Variants in KCTD8 observed in about 807,000 individuals in gnomAD.
KCTD8 encodes the protein BTB/POZ domain-containing protein KCTD8.
In KCTD8, 27 loss-of-function variants were observed where a neutral mutation model predicts 31.5. The ratio of observed to expected loss-of-function variants is 0.86; its 90% CI spans 0.63 to 1.18. The LOEUF (loss-of-function observed/expected upper bound fraction) is 1.18, where lower values mean the gene tolerates loss of function less well. KCTD8 is among the 50% of genes most tolerant of loss of function. KCTD8 has a pLI of 0.00. For missense variants in KCTD8, 658 were observed against 647.7 expected (o/e 1.02, Z -0.17); for synonymous variants, 290 against 280.0 (o/e 1.04, Z -0.36).
intron 1 of KCTD8, among the ~76,000 whole-genome samples, chr4:44,200,965 G>A (rs1394622406): frequency 6.6e-6 from 1 of 152,032 alleles, no homozygotes; most frequent in Non-Finnish European, 1.5e-5. Context: ...TAAAGTTTCA[G>A]GATACAAAAT....
intron 1 of KCTD8, among the ~76,000 whole-genome samples, chr4:44,295,066 G>C (rs1717388940): frequency 6.6e-6 from 1 of 152,112 alleles, no homozygotes; most frequent in Non-Finnish European, 1.5e-5. Context: ...CCTGAGGCAG[G>C]GGGATCCCTT....
At chr4:44,430,610 C>A (rs187091997) in intron 1 of KCTD8, among the ~76,000 whole-genome samples, 98 of 151,636 alleles carry the variant, frequency 6.5e-4, no homozygotes, top group Non-Finnish European at 5.9e-4. Context: ...TTTGTCTCCC[C>A]TTGGTGATCC....
intron 1 of KCTD8, among the ~76,000 whole-genome samples, chr4:44,441,289 T>C (rs186231524): frequency 3.2e-4 from 48 of 152,210 alleles, no homozygotes; most frequent in Non-Finnish European, 5.4e-4. Flanking sequence ...GGTATTACTG[T>C]TTTATCAAAC....
At chr4:44,359,160 A>G (rs1719434089) in intron 1 of KCTD8, among the ~76,000 whole-genome samples, 1 of 152,098 alleles carries the variant, frequency 6.6e-6, no homozygotes, top group East Asian at 1.9e-4. Context: ...GAAGCTCTTT[A>G]GTTTAATTAG....
intron 1 of KCTD8, among the ~76,000 whole-genome samples, chr4:44,444,840 A>ACAGTTT (rs375710915): frequency 6.6e-6 from 1 of 152,294 alleles, no homozygotes; most frequent in African/African-American, 2.4e-5. Context: ...GTAAACTACA[A>ACAGTTT]CAGTTTCAAC....
intron 1 of KCTD8, among the ~76,000 whole-genome samples, chr4:44,350,859 T>C (rs1408057466): frequency 6.6e-6 from 1 of 152,140 alleles, no homozygotes; most frequent in Admixed American, 6.6e-5. Flanking sequence ...ACCTACTCTG[T>C]TCTTCATTTC....
chr4:44,175,108 A>T lies in KCTD8; in HGVS notation c.1104T>A (p.Thr368=), dbSNP rs766493694. The change falls in exon 2 of 2, where the codon ACT becomes ACA. Residue 368 remains threonine, a synonymous_variant. Coordinates refer to ENST00000360029, the MANE Select transcript of KCTD8 (RefSeq NM_198353.3). ...GGGCACTGGATGGGTTGTCCTGGGG[A>T]GTGCTTGCCTCTGAATGGCTGTCAC... ...SSCDSHSEAS[T]PQDNPSSAQQ... is the part of the protein sequence containing the mutation. 6.8e-6 allele frequency: 11 copies of T among 1,613,960 alleles called. No individual in the cohort carries two copies. The South Asian group carries it at 9.9e-5, about 15-fold the overall frequency.
chr4:44,308,133 T>C (rs555567254), intron 1 of KCTD8, among the ~76,000 whole-genome samples: 1 of 152,160 alleles, frequency 6.6e-6, no homozygotes, highest in East Asian at 1.9e-4. Flanking sequence ...CCAGTGATTT[T>C]TGTTTATAAA....
intron 1 of KCTD8, among the ~76,000 whole-genome samples, chr4:44,403,147 C>T (rs1194510151): frequency 6.6e-6 from 1 of 152,092 alleles, no homozygotes; most frequent in East Asian, 1.9e-4. Flanking sequence ...ATCAACAATG[C>T]ATCACGTCCA....
At chr4:44,346,310 T>C (rs890170498) in intron 1 of KCTD8, among the ~76,000 whole-genome samples, 11 of 152,136 alleles carry the variant, frequency 7.2e-5, no homozygotes, top group Admixed American at 6.6e-5. Flanking sequence ...TCAAAAGATA[T>C]TTATTGGGGA....
At chr4:44,330,317 T>C (rs982348683) in intron 1 of KCTD8, among the ~76,000 whole-genome samples, 43 of 152,098 alleles carry the variant, frequency 2.8e-4, no homozygotes, top group African/African-American at 1.0e-3. Flanking sequence ...AATGCTGTCC[T>C]TATTTTCCAT....
chr4:44,354,491 C>T (rs1010120352), intron 1 of KCTD8, among the ~76,000 whole-genome samples: 1 of 152,102 alleles, frequency 6.6e-6, no homozygotes, highest in African/African-American at 2.4e-5. Flanking sequence ...AGATCACATC[C>T]GTACGGTCCA....
chr4:44,285,371 T>A (rs2881767), intron 1 of KCTD8, among the ~76,000 whole-genome samples: 138,153 of 152,076 alleles, frequency 0.91, 62,967 homozygotes, highest in East Asian at 1. Context: ...CTATCACAAG[T>A]TCAGAAAACC....
chr4:44,411,644 T>G (rs1161999133), intron 1 of KCTD8, among the ~76,000 whole-genome samples: 1 of 151,960 alleles, frequency 6.6e-6, no homozygotes, highest in African/African-American at 2.4e-5. Flanking sequence ...TATTTGGAAA[T>G]AGGGTTGTAG....
At chr4:44,327,309 C>T (rs968757596) in intron 1 of KCTD8, among the ~76,000 whole-genome samples, 5 of 151,936 alleles carry the variant, frequency 3.3e-5, no homozygotes, top group South Asian at 2.1e-4. Context: ...TCTACACATA[C>T]TAGTCTCAGA....
intron 1 of KCTD8, among the ~76,000 whole-genome samples, chr4:44,381,856 C>G (rs1293805420): frequency 6.6e-6 from 1 of 151,508 alleles, no homozygotes. Flanking sequence ...TCACCAGGAG[C>G]AAATGCTGGC....
chr4:44,399,105 C>A (rs1212952695), intron 1 of KCTD8, among the ~76,000 whole-genome samples: 3 of 152,164 alleles, frequency 2.0e-5, no homozygotes, highest in African/African-American at 7.2e-5. Flanking sequence ...GACAGAGCTA[C>A]ATCACAGAGG....
At chr4:44,380,521 CA>C (rs1720036099) in intron 1 of KCTD8, among the ~76,000 whole-genome samples, 1 of 151,108 alleles carries the variant, frequency 6.6e-6, no homozygotes, top group African/African-American at 2.4e-5. Context: ...GAGATGTGAT[CA>C]AATAATTTTA....
chr4:44,269,378 C>A (rs901711571), intron 1 of KCTD8, among the ~76,000 whole-genome samples: 1 of 151,532 alleles, frequency 6.6e-6, no homozygotes, highest in Non-Finnish European at 1.5e-5. Flanking sequence ...ATACCTTATA[C>A]AAAAATTAAT....
Sources: allele counts gnomAD v4.1 joint callset (sites outside exome capture counted in the v4.1 genomes callset), GRCh38; gene constraint gnomAD v4.1.1; transcripts MANE v1.5; gene names NCBI Gene and HGNC (gene_info 2026-07-23, HGNC 2026-07-21).